The following CELF2 variants were observed in gnomAD, a reference collection of about 807,000 sequenced individuals.
CELF2 encodes the protein CUGBP Elav-like family member 2, also known as CUG triplet repeat RNA-binding protein 2.
Under a neutral mutation model 62.6 loss-of-function variants are expected in CELF2, and 8 were observed. The observed-to-expected ratio is 0.13, with a 90% CI of 0.07 to 0.23. The LOEUF (loss-of-function observed/expected upper bound fraction) is 0.23. Ranked by LOEUF, CELF2 falls within the 10% of genes least tolerant of loss-of-function variation. The pLI is 1.00. For synonymous variants in CELF2, 258 were observed against 250.0 expected, an observed-to-expected ratio of 1.03 and a Z score of -0.30; for missense variants, 333 against 671.0, an observed-to-expected ratio of 0.50 and a Z score of 5.56.
chr10:11,146,688 A>G (rs1054732191), intron 1 of CELF2, among the ~76,000 whole-genome samples: 3 of 152,220 alleles, frequency 2.0e-5, no homozygotes, highest in African/African-American at 7.2e-5. Context: ...TAAATAATGG[A>G]ATCTTTCTCA....
intron 1 of CELF2, among the ~76,000 whole-genome samples, chr10:11,141,433 A>C (rs116230581): frequency 0.012 from 1,779 of 152,294 alleles, 29 homozygotes; most frequent in African/African-American, 0.041. Context: ...AGCCACAAGA[A>C]AGCTCCTGAA....
In CELF2 at chr10:11,185,389, C is replaced by G. The variant is rs117753202; in HGVS notation, c.271+19707C>G. ...CCAACCTTGAATTGCTGGGATAAGTCTTACTTGGTCATGATGATCCCCCCG... is the reference window on the plus strand; with the variant it reads ...CCAACCTTGAATTGCTGGGATAAGTGTTACTTGGTCATGATGATCCCCCCG... On this transcript the variant is annotated intron_variant, in intron 2 of 12. Transcript: ENST00000633077. Among the ~76,000 whole-genome samples, 362 of 152,120 alleles carry G rather than the reference C, an allele frequency of 2.4e-3. 2 individuals are homozygous for G. Among genetic ancestry groups the G allele is most frequent in the Admixed American group, 5.7e-3 (87 of 15,264 alleles).
chr10:10,916,392 T>C (rs1464944187), intron 1 of CELF2, among the ~76,000 whole-genome samples: 1 of 152,216 alleles, frequency 6.6e-6, no homozygotes, highest in Non-Finnish European at 1.5e-5. Flanking sequence ...TCAAGTAATA[T>C]CTGTAACTCT....
intron 3 of CELF2, among the ~76,000 whole-genome samples, chr10:11,240,979 C>T (rs1459585093): frequency 6.6e-6 from 1 of 152,088 alleles, no homozygotes; most frequent in Non-Finnish European, 1.5e-5. Flanking sequence ...TGCTGTCTGA[C>T]TCGGCCAAGT....
chr10:10,508,166 T>C, the CELF2 span, among the ~76,000 whole-genome samples: 2 of 31,642 alleles, frequency 6.3e-5, no homozygotes, highest in Non-Finnish European at 1.7e-4. Flanking sequence ...CACAGACAAA[T>C]ACAAAAAAAA....
intron 4 of CELF2, among the ~76,000 whole-genome samples, chr10:11,252,709 C>T (rs755536679): frequency 2.6e-5 from 4 of 152,156 alleles, no homozygotes; most frequent in Non-Finnish European, 5.9e-5. Context: ...TCTGGCACAC[C>T]GATGGAAGCT....
At chr10:10,906,206 C>T (rs1422753796) in intron 1 of CELF2, among the ~76,000 whole-genome samples, 1 of 152,188 alleles carries the variant, frequency 6.6e-6, no homozygotes, top group Non-Finnish European at 1.5e-5. Context: ...CAACAGGATA[C>T]GTGGTGAAAA....
chr10:10,993,074 C>T lies in CELF2; in HGVS notation c.89+73075C>T, dbSNP rs558691382. 2.6e-5 allele frequency among the ~76,000 whole-genome samples: 4 copies of T among 152,158 alleles called. No individual in the cohort carries two copies. The highest frequency in any genetic ancestry group is 2.1e-4 in the South Asian group (1 of 4,804). On this transcript the variant is annotated intron_variant, in intron 2 of 13. Coordinates refer to the CELF2 transcript ENST00000636488. The surrounding 1 kb of genome is among the most constrained non-coding windows in gnomAD (Gnocchi z 5.3). ...GCCCAGAATTCAGAGAAACTCAGGG[C>T]GGATGATCCAGGGCAGGGCAGAACA...
the CELF2 span, among the ~76,000 whole-genome samples, chr10:10,642,234 T>A: frequency 4.6e-5 from 7 of 152,330 alleles, no homozygotes; most frequent in South Asian, 8.3e-4. Context: ...TCTTCCCCAC[T>A]TTACACATTT....
chr10:11,131,607 G>T (rs966647174), intron 1 of CELF2, among the ~76,000 whole-genome samples: 1 of 152,186 alleles, frequency 6.6e-6, no homozygotes, highest in African/African-American at 2.4e-5. Flanking sequence ...GCATGTTTAT[G>T]TGCTACGTTA....
At position 10,972,636 on chromosome 10, in the gene CELF2, T is replaced by G. The variant is rs967277508; in HGVS notation, c.89+52637T>G. 6.6e-6 allele frequency among the ~76,000 whole-genome samples: 1 copy of G among 152,238 alleles called. No individual in the cohort carries two copies. Among genetic ancestry groups the G allele is most frequent in the African/African-American group, 2.4e-5 (1 of 41,456 alleles). On this transcript the variant is annotated intron_variant, in intron 2 of 13. Coordinates refer to the CELF2 transcript ENST00000636488. This position sits in a 1 kb window ranked among gnomAD's most constrained non-coding sequence, Gnocchi z 4.4. ...GATTCTCAGTCCCGGTCTCCATGACTGACCTTGCTGTGTCCTTCAGGTGCA... is the reference window on the plus strand; with the variant it reads ...GATTCTCAGTCCCGGTCTCCATGACGGACCTTGCTGTGTCCTTCAGGTGCA...
At chr10:11,050,351 G>T (rs532818108) in intron 1 of CELF2, among the ~76,000 whole-genome samples, 2 of 152,176 alleles carry the variant, frequency 1.3e-5, no homozygotes, top group Non-Finnish European at 2.9e-5. Context: ...AAACTACATT[G>T]TCTGGACATT....
intron 1 of CELF2, among the ~76,000 whole-genome samples, chr10:10,813,010 A>G (rs922066822): frequency 1.3e-5 from 2 of 152,228 alleles, no homozygotes; most frequent in African/African-American, 4.8e-5. Flanking sequence ...GTACCTTCCC[A>G]TCGGATCCCG....
At chr10:11,295,768 T>A (rs4294488) in intron 9 of CELF2, among the ~76,000 whole-genome samples, 103,963 of 152,090 alleles carry the variant, frequency 0.68, 38,862 homozygotes, top group East Asian at 0.88. Context: ...GGAAACAGTG[T>A]GTCTGCCTAG....
chr10:11,151,163 A>G (rs1212717573), intron 1 of CELF2, among the ~76,000 whole-genome samples: 1 of 152,202 alleles, frequency 6.6e-6, no homozygotes, highest in African/African-American at 2.4e-5. Flanking sequence ...ATTAAGCCTT[A>G]ATTTACAACT....
chr10:10,793,585 A>G (rs541234578), upstream of CELF2, among the ~76,000 whole-genome samples: 24 of 152,338 alleles, frequency 1.6e-4, no homozygotes, highest in South Asian at 1.9e-3. Context: ...CAACACATCA[A>G]TATTACCAAC....
the CELF2 span, among the ~76,000 whole-genome samples, chr10:10,731,243 A>AACACACAC: frequency 2.0e-5 from 3 of 146,580 alleles, no homozygotes; most frequent in South Asian, 2.2e-4. Flanking sequence ...TCCTGCAGAA[A>AACACACAC]ACACACACAC....
At chr10:10,693,422 T>C in the CELF2 span, among the ~76,000 whole-genome samples, 2 of 150,282 alleles carry the variant, frequency 1.3e-5, no homozygotes, top group African/African-American at 4.9e-5. Flanking sequence ...CAGTATTTTA[T>C]TGAGGATTTT....
rs1369643227 is a variant in CELF2, at chr10:10,923,433, GCA to G, written c.89+3436_89+3437del. On this transcript the variant is annotated intron_variant, in intron 2 of 13. Coordinates refer to the CELF2 transcript ENST00000636488. ...TTACCTTACGTGGTACTAATTTAAA[GCA>G]CTCCGGCCACTGGTGGATAATATTC... Among the ~76,000 whole-genome samples, 10 of 152,328 alleles carry G rather than the reference GCA, an allele frequency of 6.6e-5. No individual in the cohort carries two copies. The East Asian group carries it at 1.5e-3, about 23-fold the overall frequency.
Sources: allele counts gnomAD v4.1 joint callset (sites outside exome capture counted in the v4.1 genomes callset), GRCh38; gene constraint gnomAD v4.1.1; non-coding constraint Gnocchi (gnomAD v3.1); transcripts MANE v1.5; gene names NCBI Gene and HGNC (gene_info 2026-07-23, HGNC 2026-07-21).